Variants in PIK3C2B observed in about 807,000 individuals in gnomAD.
The protein encoded by PIK3C2B is phosphatidylinositol 4-phosphate 3-kinase C2 domain-containing subunit beta.
PIK3C2B carries 83 observed loss-of-function variants against 184.3 expected under a neutral mutation model. That is an observed-to-expected ratio of 0.45 (90% CI 0.38 to 0.54). The LOEUF is 0.54. PIK3C2B is among the 20% of genes least tolerant of loss of function. The pLI is 0.00. For missense variants in PIK3C2B, 1,736 were observed against 2,113.5 expected (o/e 0.82, Z 3.50); for synonymous variants, 779 against 837.6 (o/e 0.93, Z 1.21).
intron 1 of PIK3C2B, among the ~76,000 whole-genome samples, chr1:204,481,987 T>G (rs1657190785): frequency 6.6e-6 from 1 of 152,090 alleles, no homozygotes; most frequent in African/African-American, 2.4e-5. Flanking sequence ...GGTCAAGGTG[T>G]TAGTCCCTCC....
At chr1:204,484,769 T>C (rs1407817589) in intron 1 of PIK3C2B, among the ~76,000 whole-genome samples, 3 of 151,712 alleles carry the variant, frequency 2.0e-5, no homozygotes, top group Admixed American at 2.0e-4. Context: ...TGTTGGTGAT[T>C]ATTCTAGAAC....
At chr1:204,439,175 A>C in intron 22 of PIK3C2B, 104 bp from the exon 23 acceptor site, 1 of 1,173,566 alleles carries the variant, frequency 8.5e-7, no homozygotes, top group East Asian at 2.5e-5. Context: ...ATTAAGCTGT[A>C]AGGCATTTGG....
intron 1 of PIK3C2B, among the ~76,000 whole-genome samples, chr1:204,488,891 AAATG>A (rs1657815383): frequency 6.6e-6 from 1 of 152,214 alleles, no homozygotes; most frequent in African/African-American, 2.4e-5. Context: ...ATTAATGAAT[AAATG>A]AATGAGTTCC....
chr1:204,437,683 A>G (rs1675425093), intron 23 of PIK3C2B, among the ~76,000 whole-genome samples: 1 of 152,242 alleles, frequency 6.6e-6, no homozygotes, highest in South Asian at 2.1e-4. Flanking sequence ...AGCATGGTAC[A>G]GAAGTGAGAT....
At chr1:204,485,647 C>T (rs1390127946) in intron 1 of PIK3C2B, among the ~76,000 whole-genome samples, 1 of 150,800 alleles carries the variant, frequency 6.6e-6, no homozygotes, top group African/African-American at 2.4e-5. Flanking sequence ...GATCTTGGCT[C>T]ACTGCAACTT....
At chr1:204,465,161 G>GGCCCCCA in intron 3 of PIK3C2B, 58 bp downstream of exon 3, 2 of 734,312 alleles carry the variant, frequency 2.7e-6, no homozygotes, top group East Asian at 3.3e-5. Flanking sequence ...GAAATGGATG[G>GGCCCCCA]CCCCCCTCCC....
chr1:204,473,635 T>C lies in PIK3C2B; in HGVS notation c.-84-3749A>G, dbSNP rs550125278. ...CGCTGAGCTAGGACAAGCAGAGTAT[T>C]AAGATTTGCCTTAGCAGGCACTATT... On this transcript the variant is annotated intron_variant, in intron 1 of 32. Coordinates refer to ENST00000684373, the MANE Select transcript of PIK3C2B (RefSeq NM_001377334.1). 7.2e-5 allele frequency among the ~76,000 whole-genome samples: 11 copies of C among 152,270 alleles called. No homozygotes were observed. In the South Asian group the frequency reaches 2.3e-3, roughly 32 times the overall value.
chr1:204,428,256 A>G, intron 29 of PIK3C2B, 36 bp from the exon 30 acceptor site: 8 of 1,279,612 alleles, frequency 6.3e-6, no homozygotes, highest in Non-Finnish European at 9.1e-6. Context: ...ATTCTTCAAT[A>G]AGACAATGGC....
chr1:204,491,586 A>G (rs2103544140), intron 1 of PIK3C2B, among the ~76,000 whole-genome samples: 1 of 152,234 alleles, frequency 6.6e-6, no homozygotes, highest in Admixed American at 6.5e-5. Flanking sequence ...CAAGCTACTC[A>G]GGGTGGGGAC....
chr1:204,439,386 GCTTCAAAAATTGT>G (rs1349785081), intron 22 of PIK3C2B, among the ~76,000 whole-genome samples: 1 of 152,100 alleles, frequency 6.6e-6, no homozygotes, highest in Non-Finnish European at 1.5e-5. Flanking sequence ...CTATCACCCA[GCTTCAAAAATTGT>G]CAACATTTTG....
chr1:204,487,707 C>T (rs148381607), intron 1 of PIK3C2B, among the ~76,000 whole-genome samples: 511 of 152,260 alleles, frequency 3.4e-3, no homozygotes, highest in African/African-American at 0.012. Flanking sequence ...GGAAATGCTG[C>T]CTAAGACTAT....
chr1:204,441,740 T>C (rs949028522), intron 20 of PIK3C2B, among the ~76,000 whole-genome samples, 177 bp from the exon 21 acceptor site: 2 of 152,194 alleles, frequency 1.3e-5, no homozygotes, highest in Admixed American at 6.5e-5. Context: ...TCTTGTTAAA[T>C]AGTCATCATC....
chr1:204,469,124 C>T lies in PIK3C2B; in HGVS notation c.679G>A (p.Asp227Asn), dbSNP rs777594822. 1 of 1,614,184 alleles carries T rather than the reference C, an allele frequency of 6.2e-7. No individual in the cohort carries two copies. The highest frequency in any genetic ancestry group is 1.1e-5 in the South Asian group (1 of 91,078). ...ATTGCATCATTGATACCATCATAGT[C>T]CACAGACCCCAGTAGGCGCCCCTGA... ...GGQGRLLGSV[D>N]YDGINDAITR... The change falls in exon 2 of 33, where the codon GAC becomes AAC. Residue 227 changes from aspartate to asparagine, a missense_variant. Physicochemically the swap from Asp to Asn is conservative, Grantham distance 23. Coordinates refer to ENST00000684373, the MANE Select transcript of PIK3C2B (RefSeq NM_001377334.1).
At chr1:204,455,746 T>TGACACACATC in intron 11 of PIK3C2B, 110 bp downstream of exon 11, 1 of 866,772 alleles carries the variant, frequency 1.2e-6, no homozygotes, top group Non-Finnish European at 1.7e-6. Context: ...TGTCACACAA[T>TGACACACATC]GCCACACATC....
chr1:204,456,912 A>C lies in PIK3C2B; in HGVS notation c.1747+125T>G, dbSNP rs866906462. The C allele has an allele frequency of 1.7e-5, 3 of 176,622 alleles. No individual in the cohort carries two copies. The highest frequency in any genetic ancestry group is 3.9e-5 in the Non-Finnish European group (3 of 77,542). 10.9% of individuals were successfully genotyped at this position (176,622 alleles called of 1,614,324 possible). A position where few individuals can be genotyped will look rare whatever the true frequency, so the allele number is the denominator to read the frequency against. Reference sequence around the variant, plus strand: ...CACACACACACACACACACACCCACACACACACACACACCAGCCGAACTCC... The same window carrying C: ...CACACACACACACACACACACCCACCCACACACACACACCAGCCGAACTCC... On this transcript the variant is annotated intron_variant, in intron 10 of 32. Coordinates refer to ENST00000684373, the MANE Select transcript of PIK3C2B (RefSeq NM_001377334.1).
chr1:204,424,465 G>C lies in PIK3C2B; in HGVS notation c.*387C>G, dbSNP rs1251449467. The C allele has an allele frequency of 2.8e-6, 1 of 361,260 alleles. No individual in the cohort carries two copies. The highest frequency in any genetic ancestry group is 7.2e-5 in the East Asian group (1 of 13,940). 22.4% of individuals were successfully genotyped at this position (361,260 alleles called of 1,614,324 possible). ...TCGCAAGGCTTCCTGTCCCAGTTAG[G>C]ACAACATCACTATTTCATTTTTTAA... On this transcript the variant is annotated 3_prime_UTR_variant, in exon 33 of 33. Transcript: ENST00000684373.
At chr1:204,426,559 T>C (rs1267198661) in intron 31 of PIK3C2B, among the ~76,000 whole-genome samples, 1 of 152,188 alleles carries the variant, frequency 6.6e-6, no homozygotes, top group Non-Finnish European at 1.5e-5. Flanking sequence ...GCATTCCTTC[T>C]CTGCTTTATT....
At chr1:204,443,330 G>C (rs981881137) in intron 19 of PIK3C2B, 87 bp downstream of exon 19, 5 of 1,338,016 alleles carry the variant, frequency 3.7e-6, no homozygotes, top group Non-Finnish European at 4.1e-6. Flanking sequence ...TCGTCACGTG[G>C]AATCTTGTTG....
intron 1 of PIK3C2B, among the ~76,000 whole-genome samples, chr1:204,480,058 A>G (rs564009064): frequency 1.1e-3 from 174 of 152,236 alleles, no homozygotes; most frequent in Non-Finnish European, 2.0e-3. Context: ...TGCAAGGAGC[A>G]AGGAGGCAGT....
Sources: allele counts gnomAD v4.1 joint callset (sites outside exome capture counted in the v4.1 genomes callset), GRCh38; gene constraint gnomAD v4.1.1; transcripts MANE v1.5; gene names NCBI Gene and HGNC (gene_info 2026-07-23, HGNC 2026-07-21).